BABAM2: variants seen among roughly 807,000 people sequenced by gnomAD.
BABAM2 encodes the protein BRISC and BRCA1 A complex member 2.
BABAM2 carries 31 observed loss-of-function variants against 54.7 expected under a neutral mutation model. That is an observed-to-expected ratio of 0.57 (90% confidence interval 0.43 to 0.77). BABAM2 has a LOEUF of 0.77. BABAM2 is among the 30% of genes least tolerant of loss of function. BABAM2 has a pLI of 0.00. For synonymous variants in BABAM2, 167 were observed against 162.9 expected (o/e 1.03, Z -0.19); for missense variants, 364 against 455.8 (o/e 0.80, Z 1.83).
intron 6 of BABAM2, among the ~76,000 whole-genome samples, chr2:28,106,154 T>TA (rs894316469): frequency 1.3e-3 from 202 of 150,270 alleles, no homozygotes; most frequent in East Asian, 9.9e-3. Flanking sequence ...TGCAATATGG[T>TA]AAAAAAAAAA....
At chr2:28,191,583 C>T (rs1344087054) in intron 7 of BABAM2, among the ~76,000 whole-genome samples, 3 of 152,116 alleles carry the variant, frequency 2.0e-5, no homozygotes, top group African/African-American at 7.2e-5. Context: ...ACTATTGGTA[C>T]GCACAACAAA....
chr2:28,315,656 TA>T (rs1280062317), intron 11 of BABAM2, among the ~76,000 whole-genome samples: 1 of 148,916 alleles, frequency 6.7e-6, no homozygotes, highest in Non-Finnish European at 1.5e-5. Flanking sequence ...TTTATTTATT[TA>T]TTTTTTATTT....
chr2:28,150,393 G>A (rs945995637), intron 7 of BABAM2, among the ~76,000 whole-genome samples: 1 of 152,168 alleles, frequency 6.6e-6, no homozygotes, highest in Non-Finnish European at 1.5e-5. Flanking sequence ...TGGCAATACA[G>A]AGGGGAGGGG....
chr2:28,115,855 C>T (rs897296489), intron 6 of BABAM2, among the ~76,000 whole-genome samples: 7 of 151,930 alleles, frequency 4.6e-5, no homozygotes, highest in African/African-American at 1.7e-4. Context: ...TGGCTCATGC[C>T]TGTAATCCCA....
At chr2:28,159,877 G>T (rs1413391096) in intron 7 of BABAM2, among the ~76,000 whole-genome samples, 1 of 147,022 alleles carries the variant, frequency 6.8e-6, no homozygotes, top group African/African-American at 2.5e-5. Context: ...CTCCATCCCC[G>T]CCGGGAAAAA....
chr2:28,166,121 C>T (rs978437838), intron 7 of BABAM2, among the ~76,000 whole-genome samples: 3 of 152,142 alleles, frequency 2.0e-5, no homozygotes, highest in Non-Finnish European at 4.4e-5. Flanking sequence ...AGAATCCAGC[C>T]CTGCTGACTC....
At chr2:27,972,540 C>T (rs116675375) in intron 3 of BABAM2, among the ~76,000 whole-genome samples, 1,811 of 152,098 alleles carry the variant, frequency 0.012, 32 homozygotes, top group African/African-American at 0.041. Context: ...CCAATATAGT[C>T]GCTGCTAGCC....
At chr2:27,996,684 C>T (rs879321774) in intron 4 of BABAM2, among the ~76,000 whole-genome samples, 2 of 152,212 alleles carry the variant, frequency 1.3e-5, no homozygotes, top group Admixed American at 6.5e-5. Flanking sequence ...AATGGTTCCT[C>T]TAAGCCTCAG....
chr2:28,213,946 T>TAA (rs374210606), intron 7 of BABAM2, among the ~76,000 whole-genome samples: 15,181 of 146,484 alleles, frequency 0.1, 822 homozygotes, highest in Middle Eastern at 0.17. Flanking sequence ...TAACTTGCTT[T>TAA]AAAAAAAAAA....
chr2:28,282,846 A>C (rs1283227545), intron 10 of BABAM2, among the ~76,000 whole-genome samples: 1 of 151,912 alleles, frequency 6.6e-6, no homozygotes, highest in African/African-American at 2.4e-5. Context: ...AAAAATACAA[A>C]AAATTAGCTG....
intron 10 of BABAM2, among the ~76,000 whole-genome samples, chr2:28,278,327 G>A (rs147075798): frequency 5.2e-4 from 79 of 152,172 alleles, no homozygotes; most frequent in African/African-American, 1.9e-3. Flanking sequence ...TTGGGAAACT[G>A]GTTCAGGAAA....
chr2:28,138,627 A>G (rs533032224), intron 7 of BABAM2, among the ~76,000 whole-genome samples: 2 of 152,234 alleles, frequency 1.3e-5, no homozygotes, highest in African/African-American at 4.8e-5. Context: ...TAAAGTGTGA[A>G]TTATCATCTA....
chr2:28,298,017 A>G (rs1482079103), intron 10 of BABAM2, among the ~76,000 whole-genome samples: 1 of 152,206 alleles, frequency 6.6e-6, no homozygotes, highest in African/African-American at 2.4e-5. Flanking sequence ...GGAATGTCAG[A>G]TGGTTGCAGG....
chr2:27,941,524 C>A (rs913325429), intron 3 of BABAM2, among the ~76,000 whole-genome samples: 1 of 151,588 alleles, frequency 6.6e-6, no homozygotes, highest in African/African-American at 2.4e-5. Flanking sequence ...GCACTGCACA[C>A]CAGCCTGGGT....
intron 6 of BABAM2, among the ~76,000 whole-genome samples, chr2:28,120,928 A>G (rs1418649829): frequency 6.6e-6 from 1 of 152,196 alleles, no homozygotes; most frequent in Non-Finnish European, 1.5e-5. Context: ...GGCAAATGCA[A>G]AGATGTTAGT....
At chr2:28,180,049 A>G (rs772708670) in intron 7 of BABAM2, among the ~76,000 whole-genome samples, 3 of 152,188 alleles carry the variant, frequency 2.0e-5, no homozygotes, top group Non-Finnish European at 4.4e-5. Context: ...ACTCAAAGCA[A>G]TCTACAGATT....
At chr2:28,133,363 T>A (rs6728043) in intron 7 of BABAM2, among the ~76,000 whole-genome samples, 1 of 152,174 alleles carries the variant, frequency 6.6e-6, no homozygotes, top group Non-Finnish European at 1.5e-5. Flanking sequence ...GGAGAGTTCT[T>A]TCAGGAGTCA....
rs1666854768 is a variant in BABAM2 at position 28,099,096 on chromosome 2, T to C, written c.571-30175T>C. On this transcript the variant is annotated intron_variant, in intron 6 of 11. Coordinates refer to ENST00000379624, the MANE Select transcript of BABAM2 (RefSeq NM_199191.3). ...TGATCTTAGGGGTTTGGAGTATTCA[T>C]TCCATCCTTGTGACTGTGATTTATT... 2.0e-5 allele frequency among the ~76,000 whole-genome samples: 3 copies of C among 152,310 alleles called. No individual in the cohort carries two copies. The South Asian group carries it at 6.2e-4, about 32-fold the overall frequency.
intron 2 of BABAM2, among the ~76,000 whole-genome samples, chr2:27,904,869 G>A (rs1666079341): frequency 6.6e-6 from 1 of 152,038 alleles, no homozygotes; most frequent in African/African-American, 2.4e-5. Flanking sequence ...CTCCAACAAA[G>A]CAAGAAGGTA....
Sources: allele counts gnomAD v4.1 joint callset (sites outside exome capture counted in the v4.1 genomes callset), GRCh38; gene constraint gnomAD v4.1.1; transcripts MANE v1.5; gene names NCBI Gene and HGNC (gene_info 2026-07-23, HGNC 2026-07-21).